PSME2: variants seen among roughly 807,000 people sequenced by gnomAD.
The protein encoded by PSME2 is proteasome activator subunit 2.
PSME2 carries 20 observed loss-of-function variants against 38.8 expected under a neutral mutation model. That is an observed-to-expected ratio of 0.52 (90% CI 0.36 to 0.75). The LOEUF (loss-of-function observed/expected upper bound fraction) is 0.75, where lower values mean the gene tolerates loss of function less well. Ranked by LOEUF, PSME2 falls within the 30% of genes least tolerant of loss-of-function variation. PSME2 has a pLI of 0.00. For synonymous variants in PSME2, 82 were observed against 102.5 expected (o/e 0.80, Z 1.21); for missense variants, 227 against 287.6 (o/e 0.79, Z 1.52).
At position 24,143,698 on chromosome 14, in the gene PSME2, C is replaced by G. The variant is rs1244143524; in HGVS notation, c.553-27G>C. Reference sequence around the variant, plus strand: ...TGCAATGTGGGAGGCAAAGCTGAGTCAGTCCCATGGGAGGCTGGGACATGA... The same window carrying G: ...TGCAATGTGGGAGGCAAAGCTGAGTGAGTCCCATGGGAGGCTGGGACATGA... On this transcript the variant is annotated intron_variant, in intron 9 of 10. Coordinates refer to ENST00000216802, the MANE Select transcript of PSME2 (RefSeq NM_002818.3). The surrounding 1 kb of genome is among the most constrained non-coding windows in gnomAD (Gnocchi z 4.4). The G allele has an allele frequency of 1.2e-6, 2 of 1,608,670 alleles. No homozygotes were observed. The highest frequency in any genetic ancestry group is 3.3e-5 in the Admixed American group (2 of 59,986).
rs1222919564 is a variant in PSME2, at chr14:24,143,567, G to A, written c.639+18C>T. On this transcript the variant is annotated intron_variant, in intron 10 of 10. Transcript: ENST00000216802. The surrounding 1 kb of genome is among the most constrained non-coding windows in gnomAD (Gnocchi z 4.4). Reference sequence around the variant, plus strand: ...CCCCCACTCATCCACCTCCCCTAAAGCCTTACTCCACACTCACATAGAAGG... The same window carrying A: ...CCCCCACTCATCCACCTCCCCTAAAACCTTACTCCACACTCACATAGAAGG... 1 of 1,613,542 alleles carries A rather than the reference G, an allele frequency of 6.2e-7. No individual in the cohort carries two copies. Among genetic ancestry groups the A allele is most frequent in the East Asian group, 2.2e-5 (1 of 44,864 alleles).
In PSME2 at chr14:24,145,562, A is replaced by C. The variant is rs896597067; in HGVS notation, c.145-97T>G. 3 of 1,451,280 alleles carry C rather than the reference A, an allele frequency of 2.1e-6. No homozygotes were observed. In the Admixed American group the frequency reaches 5.5e-5, roughly 27 times the overall value. The allele number at this position is 1,451,280 out of a possible 1,614,324, so 89.9% of individuals were successfully genotyped here. ...CATCCCACTTGCACTCTGCCTCCCA[A>C]CCTAGGCTCATGCCTCACGCCATCC... On this transcript the variant is annotated intron_variant, in intron 3 of 10. Coordinates refer to ENST00000216802, the MANE Select transcript of PSME2 (RefSeq NM_002818.3).
intron 1 of PSME2, 36 bp from the exon 2 acceptor site, chr14:24,146,276 G>A: frequency 6.2e-7 from 1 of 1,611,774 alleles, no homozygotes; most frequent in Non-Finnish European, 8.5e-7. Flanking sequence ...TTGGTTAAGG[G>A]TCTGGGTTGT....
chr14:24,144,539 TA>T, intron 6 of PSME2, 71 bp from the exon 7 acceptor site: 3 of 1,445,504 alleles, frequency 2.1e-6, no homozygotes, highest in Non-Finnish European at 2.9e-6. Flanking sequence ...TGTCACTTCC[TA>T]AAAAAAGTTA....
intron 2 of PSME2, 189 bp downstream of exon 2, chr14:24,146,019 G>T: frequency 1.2e-6 from 1 of 831,000 alleles, no homozygotes; most frequent in African/African-American, 1.7e-5. Flanking sequence ...AGTGCCAGAA[G>T]TCGGGAGAGT....
At chr14:24,146,123 A>C in intron 2 of PSME2, 85 bp downstream of exon 2, 1 of 1,516,248 alleles carries the variant, frequency 6.6e-7, no homozygotes, top group South Asian at 1.1e-5. Flanking sequence ...GTCTAGGGTG[A>C]CTTGGGGGGG....
At chr14:24,145,578 C>T in intron 3 of PSME2, 113 bp from the exon 4 acceptor site, 1 of 1,439,914 alleles carries the variant, frequency 6.9e-7, no homozygotes, top group Non-Finnish European at 9.7e-7. Context: ...GCTCATGCCT[C>T]ACGCCATCCT....
At position 24,145,810 on chromosome 14, in the gene PSME2, A is replaced by T. The variant is rs1490849828; in HGVS notation, c.82-38T>A. On this transcript the variant is annotated intron_variant, in intron 2 of 10. Coordinates refer to ENST00000216802, the MANE Select transcript of PSME2 (RefSeq NM_002818.3). ...TTGCAAGGGAGGGGAATCACAGAATATGCTCAATGAGATGTCTGACAAATG... is the reference window on the plus strand; with the variant it reads ...TTGCAAGGGAGGGGAATCACAGAATTTGCTCAATGAGATGTCTGACAAATG... 9 of 1,576,624 alleles carry T rather than the reference A, an allele frequency of 5.7e-6. No homozygotes were observed. In the South Asian group the frequency reaches 8.9e-5, roughly 16 times the overall value.
Position 24,143,646 on chromosome 14 carries a change from T to G in PSME2, c.578A>C (p.Glu193Ala). 6.2e-7 allele frequency: 1 copy of G among 1,614,122 alleles called. No homozygotes were observed. The highest frequency in any genetic ancestry group is 8.5e-7 in the Non-Finnish European group (1 of 1,180,024). Residue 193 changes from glutamate (E) to alanine (A), a missense_variant, in exon 10 of 11, where the codon GAG (glutamate) becomes GCG (alanine). Transcript: ENST00000216802. The surrounding 1 kb of genome is among the most constrained non-coding windows in gnomAD (Gnocchi z 4.4). Reference sequence around the variant, plus strand: ...CTCCCCATAGGCTGCCTCATCTCGCTCATGCACCAAGGCCCGGTAATCCAT... The same window carrying G: ...CTCCCCATAGGCTGCCTCATCTCGCGCATGCACCAAGGCCCGGTAATCCAT... ...HVMDYRALVH[E>A]RDEAAYGELR... is the part of the protein sequence containing the mutation.
In PSME2 at chr14:24,143,781, C is replaced by G; in HGVS notation, c.553-110G>C. On this transcript the variant is annotated intron_variant, in intron 9 of 10. Transcript: ENST00000216802. This position sits in a 1 kb window ranked among gnomAD's most constrained non-coding sequence, Gnocchi z 4.4. ...TTGAGAATGAACCCCTTCTTAGCACCAAGAAATAGGATCCCAAAGGACTGA... is the reference window on the plus strand; with the variant it reads ...TTGAGAATGAACCCCTTCTTAGCACGAAGAAATAGGATCCCAAAGGACTGA... 1.5e-6 allele frequency: 2 copies of G among 1,330,226 alleles called. No homozygotes were observed. The highest frequency in any genetic ancestry group is 2.1e-6 in the Non-Finnish European group (2 of 938,346). 82.4% of individuals were successfully genotyped at this position (1,330,226 alleles called of 1,614,324 possible). A position where few individuals can be genotyped will look rare whatever the true frequency, so the allele number is the denominator to read the frequency against.
chr14:24,143,977 CAT>C lies in PSME2; in HGVS notation c.548_549del (p.His183ArgfsTer10). On this transcript the variant is annotated frameshift_variant, in exon 9 of 11. Transcript: ENST00000216802. LOFTEE classifies it high-confidence loss of function. This position sits in a 1 kb window ranked among gnomAD's most constrained non-coding sequence, Gnocchi z 4.4. ...DAVAKASKET[H>X]VMDYRALVHE... Reference sequence around the variant, plus strand: ...AGGCTGGTGGACTATCCACTCACTACATGAGTCTCCTTGGAGGCCTTGGCCAC... The same window carrying C: ...AGGCTGGTGGACTATCCACTCACTACGAGTCTCCTTGGAGGCCTTGGCCAC... 1 of 1,613,934 alleles carries C rather than the reference CAT, an allele frequency of 6.2e-7. No homozygotes were observed. The highest frequency in any genetic ancestry group is 8.5e-7 in the Non-Finnish European group (1 of 1,179,820).
chr14:24,144,122 C>T, intron 8 of PSME2, 70 bp downstream of exon 8: 2 of 1,609,954 alleles, frequency 1.2e-6, no homozygotes, highest in Non-Finnish European at 1.7e-6. Context: ...CCTGATAGGG[C>T]TGCCCAGCTC....
Position 24,143,736 on chromosome 14 carries a change from T to A in PSME2, c.553-65A>T. 1.3e-6 allele frequency: 2 copies of A among 1,522,128 alleles called. No homozygotes were observed. Among genetic ancestry groups the A allele is most frequent in the Non-Finnish European group, 9.1e-7 (1 of 1,098,370 alleles). The allele number at this position is 1,522,128 out of a possible 1,614,324, so 94.3% of individuals were successfully genotyped here. On this transcript the variant is annotated intron_variant, in intron 9 of 10. Coordinates refer to ENST00000216802, the MANE Select transcript of PSME2 (RefSeq NM_002818.3). The surrounding 1 kb of genome is among the most constrained non-coding windows in gnomAD (Gnocchi z 4.4). ...GGCTGGGACATGAGTCTGGTTTCCT[T>A]TTATAGGAAATAGGTTAACTTGAGA...
Position 24,143,716 on chromosome 14 carries a change from G to A in PSME2, c.553-45C>T, listed in dbSNP as rs1185876584. ...GCTGAGTCAGTCCCATGGGAGGCTG[G>A]GACATGAGTCTGGTTTCCTTTTATA... On this transcript the variant is annotated intron_variant, in intron 9 of 10. Transcript: ENST00000216802. The surrounding 1 kb of genome is among the most constrained non-coding windows in gnomAD (Gnocchi z 4.4). 2 of 1,585,946 alleles carry A rather than the reference G, an allele frequency of 1.3e-6. No homozygotes were observed. The highest frequency in any genetic ancestry group is 1.7e-5 in the Admixed American group (1 of 59,836).
rs140485302 is a variant in PSME2, at chr14:24,145,550, C to T, written c.145-85G>A. The stretch of plus-strand genomic sequence containing the variant: ...CTTCCCTCCATACATCCCACTTGCA[C>T]TCTGCCTCCCAACCTAGGCTCATGC... On this transcript the variant is annotated intron_variant, in intron 3 of 10. Coordinates refer to ENST00000216802, the MANE Select transcript of PSME2 (RefSeq NM_002818.3). The T allele has an allele frequency of 4.1e-6, 6 of 1,466,582 alleles. No homozygotes were observed. The African/African-American group carries it at 7.0e-5, about 17-fold the overall frequency. 90.8% of individuals were successfully genotyped at this position (1,466,582 alleles called of 1,614,324 possible).
rs1464835688 is a variant in PSME2 at position 24,146,551 on chromosome 14, C to A, written c.31G>T (p.Gly11Trp). ...CCCATTACCTGTTTGCGGGCTTCCCCGCTCAGGCGCACCCCACACGGCTTG... is the reference window on the plus strand; with the variant it reads ...CCCATTACCTGTTTGCGGGCTTCCCAGCTCAGGCGCACCCCACACGGCTTG... The part of the protein sequence containing the change: MAKPCGVRLS[G>W]EARKQVEVFR... The change falls in exon 1 of 11, where the codon GGG becomes TGG. Residue 11 changes from glycine (G) to tryptophan (W), a missense_variant. Coordinates refer to ENST00000216802, the MANE Select transcript of PSME2 (RefSeq NM_002818.3). The A allele has an allele frequency of 6.2e-7, 1 of 1,613,850 alleles. No individual in the cohort carries two copies. Among genetic ancestry groups the A allele is most frequent in the East Asian group, 2.2e-5 (1 of 44,892 alleles).
Position 24,146,405 on chromosome 14 carries a change from C to A in PSME2, c.48+129G>T, listed in dbSNP as rs2038157207. 17 of 1,441,154 alleles carry A rather than the reference C, an allele frequency of 1.2e-5. No individual in the cohort carries two copies. In the Middle Eastern group the frequency reaches 7.1e-4, roughly 60 times the overall value. The allele number at this position is 1,441,154 out of a possible 1,614,324, so 89.3% of individuals were successfully genotyped here. ...AGTCAGAAGGCAGGAATCTGGGAATCCCCGAGAAGTGAAGGCACTAGCGAG... is the reference window on the plus strand; with the variant it reads ...AGTCAGAAGGCAGGAATCTGGGAATACCCGAGAAGTGAAGGCACTAGCGAG... On this transcript the variant is annotated intron_variant, in intron 1 of 10. Transcript: ENST00000216802.
intron 6 of PSME2, chr14:24,144,675 C>T (rs991931037): frequency 6.5e-6 from 4 of 617,264 alleles, no homozygotes; most frequent in African/African-American, 1.8e-5. Context: ...AACTGAGTCA[C>T]AGAATGTCTA....
intron 2 of PSME2, 86 bp downstream of exon 2, chr14:24,146,122 G>GACT: frequency 2.0e-6 from 3 of 1,506,358 alleles, no homozygotes; most frequent in Non-Finnish European, 2.8e-6. Context: ...AGTCTAGGGT[G>GACT]ACTTGGGGGG....
Sources: allele counts gnomAD v4.1 joint callset, GRCh38; gene constraint gnomAD v4.1.1; non-coding constraint Gnocchi (gnomAD v3.1); transcripts MANE v1.5; gene names NCBI Gene and HGNC (gene_info 2026-07-23, HGNC 2026-07-21).